TNFRSF14: variants seen among roughly 807,000 people sequenced by gnomAD.
The protein encoded by TNFRSF14 is tumor necrosis factor receptor superfamily member 14.
TNFRSF14 carries 18 observed loss-of-function variants against 34.1 expected under a neutral mutation model. The observed-to-expected ratio is 0.53, with a 90% CI of 0.36 to 0.78. The LOEUF (loss-of-function observed/expected upper bound fraction) is 0.78. Ranked by LOEUF, TNFRSF14 falls within the 30% of genes least tolerant of loss-of-function variation. The pLI is 0.00. For synonymous variants in TNFRSF14, 157 were observed against 153.2 expected, an observed-to-expected ratio of 1.02 and a Z score of -0.18; for missense variants, 352 against 379.5, an observed-to-expected ratio of 0.93 and a Z score of 0.60.
At chr1:2,562,281 T>C in intron 6 of TNFRSF14, 2 of 211,552 alleles carry the variant, frequency 9.5e-6, no homozygotes, top group Non-Finnish European at 1.9e-5. Flanking sequence ...CTCCTGTGCC[T>C]GGCCTCCTGG....
At position 2,561,005 on chromosome 1, in the gene TNFRSF14, C is replaced by T. The variant is rs554515911; in HGVS notation, c.551+291C>T. On this transcript the variant is annotated intron_variant, in intron 5 of 7. Coordinates refer to ENST00000355716, the MANE Select transcript of TNFRSF14 (RefSeq NM_003820.4). This position sits in a 1 kb window ranked among gnomAD's most constrained non-coding sequence, Gnocchi z 6.0. ...GAGGCTGCCTCCAGATCCCCTGTCC[C>T]CTGGGGCTGTGGGTGTCCCTGAATG... 6.6e-6 allele frequency: 3 copies of T among 451,286 alleles called. No homozygotes were observed. Among genetic ancestry groups the T allele is most frequent in the South Asian group, 3.8e-5 (1 of 26,588 alleles). The allele number at this position is 451,286 out of a possible 1,614,324, so 28.0% of individuals were successfully genotyped here. A position where few individuals can be genotyped will look rare whatever the true frequency, so the allele number is the denominator to read the frequency against.
At position 2,561,307 on chromosome 1, in the gene TNFRSF14, T is replaced by C; in HGVS notation, c.552-366T>C. Reference sequence around the variant, plus strand: ...TCCTGTCCATCTCCAGCTCTAACCATTTTTGTCCCGACACTGGCTCTCCCT... The same window carrying C: ...TCCTGTCCATCTCCAGCTCTAACCACTTTTGTCCCGACACTGGCTCTCCCT... On this transcript the variant is annotated intron_variant, in intron 5 of 7. Coordinates refer to ENST00000355716, the MANE Select transcript of TNFRSF14 (RefSeq NM_003820.4). This position sits in a 1 kb window ranked among gnomAD's most constrained non-coding sequence, Gnocchi z 6.0. 5.0e-6 allele frequency: 3 copies of C among 604,260 alleles called. No homozygotes were observed. The highest frequency in any genetic ancestry group is 8.7e-6 in the Non-Finnish European group (3 of 344,014). 37.4% of individuals were successfully genotyped at this position (604,260 alleles called of 1,614,324 possible).
chr1:2,562,660 T>C (rs1557482470), intron 6 of TNFRSF14: 11 of 699,984 alleles, frequency 1.6e-5, no homozygotes, highest in Non-Finnish European at 1.5e-5. Flanking sequence ...CTATCACCCA[T>C]GCTGGGCCTC....
chr1:2,555,112 A>G (rs563248820), upstream of TNFRSF14: 12 of 152,312 alleles, frequency 7.9e-5, no homozygotes, highest in East Asian at 2.1e-3. This position sits in a 1 kb window ranked among gnomAD's most constrained non-coding sequence, Gnocchi z 6.3. Flanking sequence ...GTGGGAGTCC[A>G]TGCTCCTGCG....
chr1:2,556,775 G>C, intron 1 of TNFRSF14, 42 bp downstream of exon 1: 1 of 1,540,330 alleles, frequency 6.5e-7, no homozygotes, highest in African/African-American at 1.4e-5. Context: ...GCAGATCCCA[G>C]TTCTGACCCC....
rs375860446 is a variant in TNFRSF14 at position 2,561,258 on chromosome 1, C to T, written c.552-415C>T. 1.0e-5 allele frequency: 5 copies of T among 498,262 alleles called. No individual in the cohort carries two copies. In the East Asian group the frequency reaches 1.2e-4, roughly 12 times the overall value. The allele number at this position is 498,262 out of a possible 1,614,324, so 30.9% of individuals were successfully genotyped here. A position where few individuals can be genotyped will look rare whatever the true frequency, so the allele number is the denominator to read the frequency against. ...GGGGCCTTCCATCCTGCTCTGCCCT[C>T]CTCGTCCTCTGGCCCCAGCTCAGTC... On this transcript the variant is annotated intron_variant, in intron 5 of 7. Transcript: ENST00000355716. This position sits in a 1 kb window ranked among gnomAD's most constrained non-coding sequence, Gnocchi z 6.0.
chr1:2,557,696 A>C, intron 1 of TNFRSF14, 30 bp from the exon 2 acceptor site: 1 of 1,526,990 alleles, frequency 6.5e-7, no homozygotes, highest in South Asian at 1.2e-5. Flanking sequence ...CAGCCAGGGC[A>C]TCTCCCAATG....
chr1:2,559,307 T>C (rs1211094377), intron 3 of TNFRSF14: 1 of 1,367,108 alleles, frequency 7.3e-7, no homozygotes, highest in Non-Finnish European at 9.6e-7. Context: ...GCTGAGGATG[T>C]GGGGGCACAG....
At position 2,561,058 on chromosome 1, in the gene TNFRSF14, T is replaced by G; in HGVS notation, c.551+344T>G. 1 of 363,650 alleles carries G rather than the reference T, an allele frequency of 2.7e-6. No homozygotes were observed. Among genetic ancestry groups the G allele is most frequent in the East Asian group, 4.5e-5 (1 of 22,188 alleles). The allele number at this position is 363,650 out of a possible 1,614,324, so 22.5% of individuals were successfully genotyped here. On this transcript the variant is annotated intron_variant, in intron 5 of 7. Transcript: ENST00000355716. This position sits in a 1 kb window ranked among gnomAD's most constrained non-coding sequence, Gnocchi z 6.0. ...AGGGCCATGGGAGGGCCCCTGGGCT[T>G]CAGGGGTTGGGGAAAGTGAACACTC...
At chr1:2,558,654 A>G (rs1644255950) in intron 3 of TNFRSF14, 186 bp downstream of exon 3, 1 of 1,231,940 alleles carries the variant, frequency 8.1e-7, no homozygotes, top group African/African-American at 1.5e-5. Flanking sequence ...GCCCCCGTCC[A>G]CCTCTGTCTC....
Position 2,561,951 on chromosome 1 carries a change from G to A in TNFRSF14, c.694+136G>A. 1 of 974,944 alleles carries A rather than the reference G, an allele frequency of 1.0e-6. No homozygotes were observed. The highest frequency in any genetic ancestry group is 1.5e-6 in the Non-Finnish European group (1 of 655,508). The allele number at this position is 974,944 out of a possible 1,614,324, so 60.4% of individuals were successfully genotyped here. On this transcript the variant is annotated intron_variant, in intron 6 of 7. Transcript: ENST00000355716. This position sits in a 1 kb window ranked among gnomAD's most constrained non-coding sequence, Gnocchi z 6.0. The stretch of plus-strand genomic sequence containing the variant: ...CCTCCCAGGGCAGCCACTGCAGGCT[G>A]GGGCAGGTGGGCTTTCTGCTGTGGC...
At chr1:2,555,596 G>A (rs1265347275), upstream of TNFRSF14, 3 of 153,000 alleles carry the variant, frequency 2.0e-5, no homozygotes, top group Non-Finnish European at 4.4e-5. This position sits in a 1 kb window ranked among gnomAD's most constrained non-coding sequence, Gnocchi z 6.3. Flanking sequence ...CTTGCTGGAG[G>A]TGGGGGTTCC....
Position 2,558,279 on chromosome 1 carries a change from T to A in TNFRSF14, c.179-64T>A, listed in dbSNP as rs1186313667. 3 of 1,541,130 alleles carry A rather than the reference T, an allele frequency of 1.9e-6. No homozygotes were observed. The African/African-American group carries it at 4.2e-5, about 21-fold the overall frequency. On this transcript the variant is annotated intron_variant, in intron 2 of 7. Coordinates refer to ENST00000355716, the MANE Select transcript of TNFRSF14 (RefSeq NM_003820.4). ...GCTTGGGCTCTGGGCGCGGGTGGAG[T>A]GATGGGTGGGCTCCCGAAGGGGCCT...
rs1453645671 is a variant in TNFRSF14 at position 2,556,382 on chromosome 1, T to A, written c.-283T>A. Reference sequence around the variant, plus strand: ...CGGGCGCCTCCTTCATACCGGCCCTTCCCCTCGGCTTTGCCTGGACAGCTC... The same window carrying A: ...CGGGCGCCTCCTTCATACCGGCCCTACCCCTCGGCTTTGCCTGGACAGCTC... On this transcript the variant is annotated 5_prime_UTR_variant, in exon 1 of 8. Transcript: ENST00000355716. 1.5e-6 allele frequency: 1 copy of A among 666,874 alleles called. No homozygotes were observed. Among genetic ancestry groups the A allele is most frequent in the African/African-American group, 1.8e-5 (1 of 56,646 alleles). The allele number at this position is 666,874 out of a possible 1,614,324, so 41.3% of individuals were successfully genotyped here.
At chr1:2,558,913 G>A in intron 3 of TNFRSF14, 2 of 1,361,708 alleles carry the variant, frequency 1.5e-6, no homozygotes, top group Non-Finnish European at 1.9e-6. Context: ...CAGGGGAAGA[G>A]GTCACCTGGA....
At position 2,556,670 on chromosome 1, in the gene TNFRSF14, G is replaced by T. The variant is rs777306687; in HGVS notation, c.6G>T (p.Glu2Asp). The change falls in exon 1 of 8, where the codon GAG becomes GAT. Residue 2 changes from glutamate (E) to aspartate (D), a missense_variant. Transcript: ENST00000355716. ...TGCCGGTCTGAGCCTGAGGCATGGA[G>T]CCTCCTGGAGACTGGGGGCCTCCTC... Reference protein sequence around the residue: MEPPGDWGPPPW... With the variant: MDPPGDWGPPPW... The T allele has an allele frequency of 1.9e-6, 3 of 1,609,378 alleles. No individual in the cohort carries two copies. Among genetic ancestry groups the T allele is most frequent in the Non-Finnish European group, 2.5e-6 (3 of 1,177,544 alleles).
chr1:2,559,540 GT>G, intron 3 of TNFRSF14: 1 of 1,511,014 alleles, frequency 6.6e-7, no homozygotes, highest in South Asian at 1.2e-5. Flanking sequence ...CAAGCTCGGC[GT>G]CCTGCCCATC....
chr1:2,557,650 CAGGCTGTGGGGCCA>C (rs1644237859), intron 1 of TNFRSF14, 62 bp from the exon 2 acceptor site: 74 of 1,157,520 alleles, frequency 6.4e-5, no homozygotes, highest in Non-Finnish European at 8.6e-5. Flanking sequence ...GAGGGAGATT[CAGGCTGTGGGGCCA>C]AGCCTGGCAG....
At chr1:2,559,364 C>G in intron 3 of TNFRSF14, 1 of 1,376,278 alleles carries the variant, frequency 7.3e-7, no homozygotes, top group Non-Finnish European at 9.6e-7. Context: ...CCAGCTTGTA[C>G]CCCACCTCCA....
Sources: allele counts gnomAD v4.1 joint callset, GRCh38; gene constraint gnomAD v4.1.1; non-coding constraint Gnocchi (gnomAD v3.1); transcripts MANE v1.5; gene names NCBI Gene and HGNC (gene_info 2026-07-23, HGNC 2026-07-21).